Variants in NRXN1 observed in about 807,000 individuals in gnomAD.
NRXN1 encodes the protein neurexin-1.
In NRXN1, 39 loss-of-function variants were observed where a neutral mutation model predicts 150.9. That is an observed-to-expected ratio of 0.26 (90% CI 0.20 to 0.34). The LOEUF is 0.34. Ranked by LOEUF, NRXN1 falls within the 10% of genes least tolerant of loss-of-function variation. The probability of loss-of-function intolerance (pLI) is 1.00; values close to 1 mark genes in which losing one functional copy is unlikely to be tolerated. For missense variants in NRXN1, 1,815 were observed against 1,949.9 expected (o/e 0.93, Z 1.30); for synonymous variants, 924 against 757.0 (o/e 1.22, Z -3.62).
At chr2:50,492,929 C>T (rs1030371529) in intron 15 of NRXN1, among the ~76,000 whole-genome samples, 1 of 26,386 alleles carries the variant, frequency 3.8e-5, no homozygotes, top group Non-Finnish European at 9.4e-5. Context: ...AAGAAAGATG[C>T]CTGTTTTCTG....
chr2:50,191,446 A>C (rs2061437744), intron 18 of NRXN1, among the ~76,000 whole-genome samples: 1 of 152,066 alleles, frequency 6.6e-6, no homozygotes. Flanking sequence ...ATATGTACTC[A>C]TTTGTGTGTT....
chr2:50,213,658 T>C (rs2063187254), intron 18 of NRXN1, among the ~76,000 whole-genome samples: 1 of 151,954 alleles, frequency 6.6e-6, no homozygotes, highest in Admixed American at 6.6e-5. Context: ...TTTAGGTATT[T>C]CTAGTCAATT....
chr2:50,898,256 A>G (rs1231479985), intron 5 of NRXN1, among the ~76,000 whole-genome samples: 1 of 152,074 alleles, frequency 6.6e-6, no homozygotes, highest in East Asian at 1.9e-4. Flanking sequence ...TATACAGTTC[A>G]TTCCCTCTTA....
chr2:50,027,691 C>G (rs187566697), intron 21 of NRXN1, among the ~76,000 whole-genome samples: 8 of 152,282 alleles, frequency 5.3e-5, no homozygotes, highest in Admixed American at 3.9e-4. Context: ...CTTGGCCTCT[C>G]AAAGAGTGGG....
At chr2:50,405,521 C>T (rs1027498494) in intron 17 of NRXN1, among the ~76,000 whole-genome samples, 44 of 152,216 alleles carry the variant, frequency 2.9e-4, no homozygotes, top group African/African-American at 1.0e-3. Flanking sequence ...AACAAAACTT[C>T]TTTCTATTGT....
chr2:50,924,137 G>GT (rs143477756), intron 3 of NRXN1, among the ~76,000 whole-genome samples: 13,422 of 151,598 alleles, frequency 0.089, 675 homozygotes, highest in South Asian at 0.12. Context: ...CATTTTATAA[G>GT]TTTTATGGAC....
At chr2:50,034,806 T>TA (rs1440652179) in intron 21 of NRXN1, among the ~76,000 whole-genome samples, 1 of 152,088 alleles carries the variant, frequency 6.6e-6, no homozygotes, top group African/African-American at 2.4e-5. Flanking sequence ...CATTCCTTTC[T>TA]AAAAATGTAT....
chr2:50,891,068 G>A (rs947211492), intron 5 of NRXN1, among the ~76,000 whole-genome samples: 11 of 151,916 alleles, frequency 7.2e-5, no homozygotes, highest in African/African-American at 2.4e-4. Context: ...TCTGGCCAAA[G>A]GATACTCCAC....
intron 18 of NRXN1, among the ~76,000 whole-genome samples, chr2:50,164,786 G>A (rs1359797796): frequency 1.3e-5 from 2 of 152,130 alleles, no homozygotes; most frequent in African/African-American, 4.8e-5. Flanking sequence ...TCTTAATGGA[G>A]AATACAGAGG....
intron 18 of NRXN1, among the ~76,000 whole-genome samples, chr2:50,216,468 C>T (rs891666541): frequency 1.3e-5 from 2 of 151,902 alleles, no homozygotes; most frequent in African/African-American, 2.4e-5. Context: ...ATTTACCAAT[C>T]GGATTTTGAA....
intron 5 of NRXN1, among the ~76,000 whole-genome samples, chr2:50,909,723 G>C (rs929175979): frequency 6.6e-6 from 1 of 151,912 alleles, no homozygotes; most frequent in Non-Finnish European, 1.5e-5. Context: ...AAAGGGAGCT[G>C]AAGGACAGGA....
intron 18 of NRXN1, among the ~76,000 whole-genome samples, chr2:50,211,753 T>C (rs1399525039): frequency 6.6e-6 from 1 of 151,556 alleles, no homozygotes; most frequent in East Asian, 1.9e-4. Context: ...GTATCAATTA[T>C]ACATATTACA....
intron 18 of NRXN1, among the ~76,000 whole-genome samples, chr2:50,093,633 C>G (rs997090671): frequency 6.6e-6 from 1 of 151,946 alleles, no homozygotes; most frequent in Non-Finnish European, 1.5e-5. Flanking sequence ...GACCCTGTCT[C>G]AAAATAAATA....
At chr2:49,944,925 T>A (rs1023712921) in intron 21 of NRXN1, among the ~76,000 whole-genome samples, 16 of 152,194 alleles carry the variant, frequency 1.1e-4, no homozygotes, top group African/African-American at 3.9e-4. Context: ...GAGCACCTAA[T>A]ATTGTCACAG....
intron 17 of NRXN1, among the ~76,000 whole-genome samples, chr2:50,315,013 G>T (rs929396699): frequency 6.6e-6 from 1 of 152,022 alleles, no homozygotes; most frequent in East Asian, 1.9e-4. Flanking sequence ...ATATAGATAG[G>T]AAAATGTATA....
intron 5 of NRXN1, among the ~76,000 whole-genome samples, chr2:50,695,720 T>A (rs1373101171): frequency 6.6e-6 from 1 of 152,076 alleles, no homozygotes; most frequent in African/African-American, 2.4e-5. Flanking sequence ...GTAGGAAGAG[T>A]TGAAGATAAA....
intron 17 of NRXN1, among the ~76,000 whole-genome samples, chr2:50,418,754 C>G (rs1480790187): frequency 6.6e-6 from 1 of 151,886 alleles, no homozygotes; most frequent in Non-Finnish European, 1.5e-5. Context: ...AGGAATCAGT[C>G]TCAAACACAG....
At chr2:50,966,924 T>C (rs971591815) in intron 2 of NRXN1, among the ~76,000 whole-genome samples, 4 of 151,934 alleles carry the variant, frequency 2.6e-5, no homozygotes, top group African/African-American at 9.7e-5. Context: ...CTATCAGGTA[T>C]CATTCTCTTG....
chr2:50,111,466 C>A (rs1702369334), intron 18 of NRXN1, among the ~76,000 whole-genome samples: 1 of 151,974 alleles, frequency 6.6e-6, no homozygotes, highest in South Asian at 2.1e-4. Context: ...CGGTGAAACC[C>A]CTTCTCTACT....
Sources: allele counts gnomAD v4.1 joint callset (sites outside exome capture counted in the v4.1 genomes callset), GRCh38; gene constraint gnomAD v4.1.1; transcripts MANE v1.5; gene names NCBI Gene and HGNC (gene_info 2026-07-23, HGNC 2026-07-21).